TMEM117: variants seen among roughly 807,000 people sequenced by gnomAD.
The protein encoded by TMEM117 is transmembrane protein 117.
Under a neutral mutation model 52.4 loss-of-function variants are expected in TMEM117, and 27 were observed. That is an observed-to-expected ratio of 0.51 (90% CI 0.38 to 0.71). TMEM117 has a LOEUF of 0.71. Ranked by LOEUF, TMEM117 falls within the 30% of genes least tolerant of loss-of-function variation. The probability of loss-of-function intolerance (pLI) is 0.00; values close to 1 mark genes in which losing one functional copy is unlikely to be tolerated. For missense variants in TMEM117, 556 were observed against 630.5 expected, an observed-to-expected ratio of 0.88 and a Z score of 1.26; for synonymous variants, 215 against 206.3, an observed-to-expected ratio of 1.04 and a Z score of -0.36.
At chr12:44,105,047 TG>T (rs1210778185) in intron 3 of TMEM117, among the ~76,000 whole-genome samples, 1 of 152,040 alleles carries the variant, frequency 6.6e-6, no homozygotes, top group Admixed American at 6.6e-5. Flanking sequence ...CCATCATTAT[TG>T]CTTCATATAT....
chr12:43,804,206 A>C, the TMEM117 span: 1 of 468,034 alleles, frequency 2.1e-6, no homozygotes, highest in Non-Finnish European at 4.2e-6. Context: ...CAGAGATGGA[A>C]GCACTGACAT....
At chr12:44,195,367 G>T (rs918024796) in intron 4 of TMEM117, among the ~76,000 whole-genome samples, 2 of 152,058 alleles carry the variant, frequency 1.3e-5, no homozygotes, top group African/African-American at 2.4e-5. Flanking sequence ...TTCCAATATC[G>T]CTGACTTCTA....
intron 6 of TMEM117, among the ~76,000 whole-genome samples, chr12:44,356,499 T>C (rs1158876569): frequency 6.6e-6 from 1 of 152,118 alleles, no homozygotes; most frequent in Non-Finnish European, 1.5e-5. Context: ...CTGGGGTTTT[T>C]CTTTCAGTTT....
intron 3 of TMEM117, among the ~76,000 whole-genome samples, chr12:44,074,952 G>A (rs1271892953): frequency 6.6e-6 from 1 of 152,144 alleles, no homozygotes; most frequent in Non-Finnish European, 1.5e-5. Context: ...GTAACCCAAT[G>A]TACATGAATG....
intron 3 of TMEM117, among the ~76,000 whole-genome samples, chr12:44,127,587 A>C (rs1307841408): frequency 6.6e-6 from 1 of 152,110 alleles, no homozygotes; most frequent in Non-Finnish European, 1.5e-5. Flanking sequence ...GAGGCAGGAG[A>C]ATTGCTTAAA....
chr12:43,845,933 AGAT>A (rs1263177195), intron 2 of TMEM117, among the ~76,000 whole-genome samples: 7 of 152,236 alleles, frequency 4.6e-5, no homozygotes, highest in Non-Finnish European at 1.0e-4. Flanking sequence ...TATTTAGAGA[AGAT>A]ATGAACATGA....
chr12:44,209,151 G>GA (rs1949612662), intron 4 of TMEM117, among the ~76,000 whole-genome samples: 4 of 152,066 alleles, frequency 2.6e-5, no homozygotes, highest in South Asian at 4.2e-4. Flanking sequence ...GTTGTATTTG[G>GA]AAAAAACAGC....
chr12:44,123,639 A>G (rs1592537060), intron 3 of TMEM117, among the ~76,000 whole-genome samples: 1 of 152,202 alleles, frequency 6.6e-6, no homozygotes, highest in Non-Finnish European at 1.5e-5. Context: ...TTCTCCCAAC[A>G]TCATTTACTA....
At chr12:44,088,051 G>A (rs558502383) in intron 3 of TMEM117, among the ~76,000 whole-genome samples, 97 of 152,264 alleles carry the variant, frequency 6.4e-4, no homozygotes, top group Admixed American at 5.8e-3. Flanking sequence ...AGCTGATAGC[G>A]TGATGATATC....
chr12:43,933,203 CTT>C (rs777405057), intron 2 of TMEM117, among the ~76,000 whole-genome samples: 4 of 142,408 alleles, frequency 2.8e-5, no homozygotes, highest in African/African-American at 2.6e-5. Context: ...GTAATATTAA[CTT>C]TTTTTTTTTT....
At chr12:43,832,189 G>A (rs11612692), upstream of TMEM117, among the ~76,000 whole-genome samples, 1,197 of 152,316 alleles carry the variant, frequency 7.9e-3, 10 homozygotes, top group Middle Eastern at 0.034. Context: ...CTGAAGAAGT[G>A]GTTAACTCTG....
intron 5 of TMEM117, among the ~76,000 whole-genome samples, chr12:44,252,561 T>A (rs887397475): frequency 5.9e-5 from 9 of 152,196 alleles, no homozygotes; most frequent in Non-Finnish European, 1.2e-4. Flanking sequence ...TTGAATGCCA[T>A]TTTTTGTGAA....
At chr12:44,271,204 T>C (rs572703512) in intron 5 of TMEM117, among the ~76,000 whole-genome samples, 1 of 152,140 alleles carries the variant, frequency 6.6e-6, no homozygotes, top group Admixed American at 6.6e-5. Flanking sequence ...ATTTACCTCA[T>C]AGGATGTGTT....
chr12:44,084,609 A>C (rs1163072082), intron 3 of TMEM117, among the ~76,000 whole-genome samples: 1 of 152,110 alleles, frequency 6.6e-6, no homozygotes, highest in Non-Finnish European at 1.5e-5. Flanking sequence ...CAATCTGGGG[A>C]TAATTATTCA....
chr12:44,249,632 A>G (rs917953997), intron 5 of TMEM117, among the ~76,000 whole-genome samples: 6 of 152,212 alleles, frequency 3.9e-5, no homozygotes, highest in African/African-American at 1.2e-4. Flanking sequence ...TGGTACTGGT[A>G]CCAAAAGAAA....
intron 4 of TMEM117, among the ~76,000 whole-genome samples, chr12:44,158,834 A>G (rs1449129751): frequency 1.3e-5 from 2 of 152,288 alleles, no homozygotes; most frequent in African/African-American, 4.8e-5. Context: ...ACACAATAGG[A>G]AAGTGATTAT....
intron 1 of TMEM117, among the ~76,000 whole-genome samples, chr12:43,837,869 C>T (rs1943057874): frequency 1.3e-5 from 2 of 152,140 alleles, no homozygotes; most frequent in South Asian, 4.1e-4. Context: ...CCAAGGACTG[C>T]AGGATAGGAA....
chr12:44,183,066 GT>G (rs1387350337), intron 4 of TMEM117, among the ~76,000 whole-genome samples: 3 of 151,978 alleles, frequency 2.0e-5, no homozygotes, highest in Non-Finnish European at 4.4e-5. Context: ...AGGCATATAT[GT>G]AAAATCATTT....
chr12:44,214,778 A>G lies in TMEM117; in HGVS notation c.608+3391A>G, dbSNP rs149209844. Among the ~76,000 whole-genome samples, 8 of 152,314 alleles carry G rather than the reference A, an allele frequency of 5.3e-5. No individual in the cohort carries two copies. The East Asian group carries it at 5.8e-4, about 11-fold the overall frequency. Reference sequence around the variant, plus strand: ...ATTTTTTTCCATTTTATCCATTTCTATACATTTAGATTATCTTGACAATGG... The same window carrying G: ...ATTTTTTTCCATTTTATCCATTTCTGTACATTTAGATTATCTTGACAATGG... On this transcript the variant is annotated intron_variant, in intron 5 of 7. Transcript: ENST00000266534.
Sources: allele counts gnomAD v4.1 joint callset (sites outside exome capture counted in the v4.1 genomes callset), GRCh38; gene constraint gnomAD v4.1.1; transcripts MANE v1.5; gene names NCBI Gene and HGNC (gene_info 2026-07-23, HGNC 2026-07-21).